GRID2: variants seen among roughly 807,000 people sequenced by gnomAD.
The protein encoded by GRID2 is glutamate ionotropic receptor delta type subunit 2, also known as glutamate receptor ionotropic, delta-2.
In GRID2, 33 loss-of-function variants were observed where a neutral mutation model predicts 114.8. That is an observed-to-expected ratio of 0.29 (90% CI 0.22 to 0.38). GRID2 has a LOEUF of 0.38. GRID2 is among the 10% of genes least tolerant of loss of function. The probability of loss-of-function intolerance (pLI) is 1.00; values close to 1 mark genes in which losing one functional copy is unlikely to be tolerated. For missense variants in GRID2, 1,184 were observed against 1,257.7 expected (o/e 0.94, Z 0.89); for synonymous variants, 505 against 449.9 (o/e 1.12, Z -1.55).
chr4:92,650,648 T>C (rs1371499996), intron 2 of GRID2, among the ~76,000 whole-genome samples: 1 of 151,830 alleles, frequency 6.6e-6, no homozygotes, highest in Admixed American at 6.6e-5. Flanking sequence ...TATCATTGTG[T>C]CTCTTGGTGG....
intron 2 of GRID2, among the ~76,000 whole-genome samples, chr4:92,599,406 A>G (rs1019474781): frequency 2.0e-5 from 3 of 152,212 alleles, no homozygotes; most frequent in African/African-American, 7.2e-5. Flanking sequence ...TTATGCTTTG[A>G]AAGATGGATC....
intron 1 of GRID2, among the ~76,000 whole-genome samples, chr4:92,540,402 T>A (rs1170945287): frequency 6.6e-6 from 1 of 152,130 alleles, no homozygotes; most frequent in Non-Finnish European, 1.5e-5. Flanking sequence ...ACTCATCTGA[T>A]ATAGGGCTAA....
chr4:92,695,420 G>T (rs1734381569), intron 2 of GRID2, among the ~76,000 whole-genome samples: 1 of 151,780 alleles, frequency 6.6e-6, no homozygotes, highest in Non-Finnish European at 1.5e-5. Flanking sequence ...TAAACCGTAA[G>T]AAAACTATTC....
Position 93,203,951 on chromosome 4 carries a change from A to T in GRID2, c.736-3453A>T, listed in dbSNP as rs1298575679. On this transcript the variant is annotated intron_variant, in intron 4 of 15. Coordinates refer to ENST00000282020, the MANE Select transcript of GRID2 (RefSeq NM_001510.4). ...TTCTATTGGCTTAGAACTCAGTCAC[A>T]TGGCCTTGTAATACCCTGCAGTGGA... 4 of 152,224 alleles carry T rather than the reference A, an allele frequency of 2.6e-5. No individual in the cohort carries two copies. In the East Asian group the frequency reaches 7.7e-4, roughly 29 times the overall value. 9.4% of individuals were successfully genotyped at this position (152,224 alleles called of 1,614,324 possible).
At chr4:93,697,880 T>TATATATATATATATATA (rs1208336606) in intron 14 of GRID2, among the ~76,000 whole-genome samples, 6 of 147,800 alleles carry the variant, frequency 4.1e-5, no homozygotes, top group South Asian at 2.1e-4. Context: ...TATATATATA[T>TATATATATATATATATA]TTCAAAACAA....
At chr4:93,163,399 T>TACAC (rs70942954) in intron 4 of GRID2, among the ~76,000 whole-genome samples, 9 of 49,146 alleles carry the variant, frequency 1.8e-4, no homozygotes, top group African/African-American at 3.2e-4. Context: ...TATATATATA[T>TACAC]ACACTATATA....
chr4:92,946,936 A>G (rs115447236), intron 2 of GRID2, among the ~76,000 whole-genome samples: 1,836 of 152,126 alleles, frequency 0.012, 38 homozygotes, highest in African/African-American at 0.042. Context: ...GAGAACCACT[A>G]TTCCATTGGT....
intron 1 of GRID2, among the ~76,000 whole-genome samples, chr4:92,416,398 T>C (rs1346129430): frequency 6.6e-6 from 1 of 152,160 alleles, no homozygotes; most frequent in East Asian, 1.9e-4. Flanking sequence ...TACAGAAACT[T>C]TTTAGTTGAT....
At chr4:93,091,231 C>T (rs1034606593) in intron 3 of GRID2, among the ~76,000 whole-genome samples, 1 of 151,992 alleles carries the variant, frequency 6.6e-6, no homozygotes, top group African/African-American at 2.4e-5. Context: ...TATTACCACC[C>T]GATGTAATGA....
chr4:92,972,911 T>C (rs1340133835), intron 2 of GRID2, among the ~76,000 whole-genome samples: 1 of 150,886 alleles, frequency 6.6e-6, no homozygotes, highest in Non-Finnish European at 1.5e-5. Flanking sequence ...TCCAGCTCTA[T>C]CTATGTCCCT....
chr4:93,500,478 C>T (rs1050052979), intron 12 of GRID2, among the ~76,000 whole-genome samples: 2 of 151,848 alleles, frequency 1.3e-5, no homozygotes, highest in Non-Finnish European at 1.5e-5. Context: ...ATTAATTGTT[C>T]CTTTGAGCTG....
intron 1 of GRID2, among the ~76,000 whole-genome samples, chr4:92,550,300 G>A (rs1382280984): frequency 6.6e-6 from 1 of 152,068 alleles, no homozygotes; most frequent in African/African-American, 2.4e-5. Flanking sequence ...AGCAACATCT[G>A]TGAAGTATAG....
At chr4:92,725,747 G>A (rs1736037078) in intron 2 of GRID2, among the ~76,000 whole-genome samples, 1 of 152,150 alleles carries the variant, frequency 6.6e-6, no homozygotes, top group African/African-American at 2.4e-5. Flanking sequence ...TCATGACAAA[G>A]ATAGCTGTGC....
At chr4:93,489,510 C>G (rs181296182) in intron 11 of GRID2, among the ~76,000 whole-genome samples, 196 of 151,932 alleles carry the variant, frequency 1.3e-3, no homozygotes, top group African/African-American at 4.7e-3. Flanking sequence ...TCCCATTGAT[C>G]TGATTTTCGT....
At chr4:92,906,920 T>G (rs1287573217) in intron 2 of GRID2, among the ~76,000 whole-genome samples, 1 of 152,146 alleles carries the variant, frequency 6.6e-6, no homozygotes, top group Non-Finnish European at 1.5e-5. Context: ...CTGGAGCTTG[T>G]TAGGAGTGCA....
chr4:93,149,136 A>G (rs914794402), intron 4 of GRID2, among the ~76,000 whole-genome samples: 6 of 152,250 alleles, frequency 3.9e-5, no homozygotes, highest in African/African-American at 1.4e-4. Flanking sequence ...GCTGCTAAGC[A>G]TACATTGAAA....
chr4:93,219,402 G>T (rs1482493185), intron 6 of GRID2, among the ~76,000 whole-genome samples: 1 of 152,072 alleles, frequency 6.6e-6, no homozygotes, highest in Non-Finnish European at 1.5e-5. Flanking sequence ...AAACAATAAA[G>T]TATGGGGAAG....
chr4:93,537,307 T>C (rs991485668), intron 13 of GRID2, among the ~76,000 whole-genome samples: 1 of 151,742 alleles, frequency 6.6e-6, no homozygotes, highest in South Asian at 2.1e-4. Context: ...TAGCTCCTAT[T>C]TTCTGCCTTG....
chr4:92,646,932 C>T (rs1427701323), intron 2 of GRID2, among the ~76,000 whole-genome samples: 2 of 149,280 alleles, frequency 1.3e-5, no homozygotes, highest in African/African-American at 5.0e-5. Context: ...AGCCTTTATC[C>T]TATATCAGGT....
Sources: gnomAD v4.1 joint callset for allele counts (sites outside exome capture counted in the v4.1 genomes callset) on GRCh38, gnomAD v4.1.1 for gene constraint, MANE v1.5 for transcripts, NCBI Gene and HGNC (gene_info 2026-07-23, HGNC 2026-07-21) for gene names.